UGT2B7: variants seen among roughly 807,000 people sequenced by gnomAD.
The protein encoded by UGT2B7 is UDP-glucuronosyltransferase 2B7.
UGT2B7 carries 51 observed loss-of-function variants against 51.9 expected under a neutral mutation model. The ratio of observed to expected loss-of-function variants is 0.98; its 90% CI spans 0.78 to 1.24. UGT2B7 has a LOEUF of 1.24. Ranked by LOEUF, UGT2B7 falls within the 50% of genes most tolerant of loss-of-function variation. UGT2B7 has a pLI of 0.00. For missense variants in UGT2B7, 727 were observed against 628.4 expected (o/e 1.16, Z -1.68); for synonymous variants, 225 against 211.6 (o/e 1.06, Z -0.55).
chr4:69,058,216 G>T (rs1047526651), intron 1 of UGT2B7, among the ~76,000 whole-genome samples: 21 of 152,152 alleles, frequency 1.4e-4, no homozygotes, highest in Non-Finnish European at 1.9e-4. Context: ...AACCACTGGA[G>T]GGAAGAGACC....
intron 1 of UGT2B7, among the ~76,000 whole-genome samples, chr4:69,058,646 T>C (rs1421571128): frequency 6.6e-6 from 1 of 152,156 alleles, no homozygotes; most frequent in African/African-American, 2.4e-5. Context: ...ACGGCATTTG[T>C]AGAGCAGGCC....
intron 2 of UGT2B7, among the ~76,000 whole-genome samples, chr4:69,091,456 A>T: frequency 6.6e-6 from 1 of 151,154 alleles, no homozygotes; most frequent in African/African-American, 2.4e-5. Context: ...ATGTATTTTT[A>T]TTTTTTAAAG....
In UGT2B7 at chr4:69,096,920, A is replaced by G; in HGVS notation, c.400A>G (p.Lys134Glu). Residue 134 changes from lysine to glutamate, a missense_variant, in exon 1 of 6, where the codon AAG (lysine) becomes GAG (glutamate). Transcript: ENST00000305231. ...RKFCKDVVSN[K>E]KFMKKVQESR... ...GTTCTGTAAAGATGTAGTTTCAAAT[A>G]AGAAATTTATGAAAAAAGTACAAGA... The G allele has an allele frequency of 6.2e-7, 1 of 1,611,998 alleles. No homozygotes were observed. Among genetic ancestry groups the G allele is most frequent in the Non-Finnish European group, 8.5e-7 (1 of 1,179,498 alleles).
chr4:69,112,545 G>C lies in UGT2B7; in HGVS notation c.1399G>C (p.Val467Leu). 6.2e-7 allele frequency: 1 copy of C among 1,613,940 alleles called. No individual in the cohort carries two copies. Among genetic ancestry groups the C allele is most frequent in the Non-Finnish European group, 8.5e-7 (1 of 1,179,868 alleles). ...TCGAGCAGTCTTCTGGATTGAATTT[G>C]TCATGCGCCACAAAGGAGCTAAACA... Reference protein sequence around the residue: ...LDRAVFWIEFVMRHKGAKHLR... With the variant: ...LDRAVFWIEFLMRHKGAKHLR... The change falls in exon 6 of 6, where the codon GTC (valine) becomes CTC (leucine). Residue 467 changes from valine to leucine, a missense_variant. By Grantham distance (32) the Val-to-Leu change is conservative. Coordinates refer to ENST00000305231, the MANE Select transcript of UGT2B7 (RefSeq NM_001074.4).
intron 2 of UGT2B7, among the ~76,000 whole-genome samples, chr4:69,090,379 C>T (rs1284724079): frequency 6.6e-6 from 1 of 151,940 alleles, no homozygotes; most frequent in Non-Finnish European, 1.5e-5. Flanking sequence ...ATAGCTTTCC[C>T]ATAAAAAACA....
At chr4:69,096,462 A>G (rs1719223527), upstream of UGT2B7, 1 of 1,606,622 alleles carries the variant, frequency 6.2e-7, no homozygotes, top group African/African-American at 1.3e-5. Context: ...TTTGGACATA[A>G]CCATGAGAAA....
chr4:69,080,560 A>G (rs1718813257), intron 1 of UGT2B7, among the ~76,000 whole-genome samples: 1 of 151,732 alleles, frequency 6.6e-6, no homozygotes. Flanking sequence ...AAAAAAAAAA[A>G]AGAAAATCTA....
intron 1 of UGT2B7, among the ~76,000 whole-genome samples, chr4:69,067,818 T>G (rs1197780635): frequency 6.6e-6 from 1 of 151,968 alleles, no homozygotes; most frequent in Non-Finnish European, 1.5e-5. Flanking sequence ...TTGTCAGAGG[T>G]TTTAGGATAG....
At position 69,108,155 on chromosome 4, in the gene UGT2B7, C is replaced by A. The variant is rs760768829; in HGVS notation, c.1143C>A (p.Tyr381Ter). The part of the protein sequence containing the change: ...FITHGGANGI[Y>*]EAIYHGIPMV... ...CTCATGGTGGAGCCAATGGCATCTA[C>A]GAGGCAATCTACCATGGGATCCCTA... Residue 381 changes from tyrosine to a stop codon, truncating the protein, a stop_gained, in exon 5 of 6, where the codon TAC becomes TAA. Transcript: ENST00000305231. LOFTEE classifies it high-confidence loss of function. 3 of 1,613,512 alleles carry A rather than the reference C, an allele frequency of 1.9e-6. No individual in the cohort carries two copies. Among genetic ancestry groups the A allele is most frequent in the Non-Finnish European group, 2.5e-6 (3 of 1,179,666 alleles).
intron 1 of UGT2B7, among the ~76,000 whole-genome samples, chr4:69,083,824 A>T (rs564772473): frequency 6.6e-6 from 1 of 150,830 alleles, no homozygotes; most frequent in East Asian, 2.0e-4. Flanking sequence ...TGTCATATGC[A>T]GAGAGGGATA....
intron 1 of UGT2B7, among the ~76,000 whole-genome samples, chr4:69,067,921 A>G (rs1718516465): frequency 6.6e-6 from 1 of 152,114 alleles, no homozygotes; most frequent in Non-Finnish European, 1.5e-5. Flanking sequence ...GCCAAAGTTG[A>G]AGCAGAAAAC....
chr4:69,092,018 T>C (rs1256985737), upstream of UGT2B7, among the ~76,000 whole-genome samples: 1 of 152,172 alleles, frequency 6.6e-6, no homozygotes, highest in Non-Finnish European at 1.5e-5. Context: ...TGCTTCAGCC[T>C]CGAACTCTCA....
At chr4:69,064,012 T>C (rs1718415192) in intron 1 of UGT2B7, among the ~76,000 whole-genome samples, 1 of 99,260 alleles carries the variant, frequency 1.0e-5, no homozygotes, top group Non-Finnish European at 1.9e-5. Context: ...AAGGGGAAGA[T>C]GAGATGGGAA....
intron 1 of UGT2B7, among the ~76,000 whole-genome samples, chr4:69,083,692 T>C (rs906622697): frequency 6.6e-6 from 1 of 152,170 alleles, no homozygotes; most frequent in Non-Finnish European, 1.5e-5. Context: ...ATTTAGATAT[T>C]GGAATACGGA....
intron 1 of UGT2B7, among the ~76,000 whole-genome samples, chr4:69,082,017 A>C (rs1718848683): frequency 6.6e-6 from 1 of 152,088 alleles, no homozygotes; most frequent in African/African-American, 2.4e-5. Context: ...CAAAATTTCA[A>C]GGTTTTTCGC....
intron 1 of UGT2B7, among the ~76,000 whole-genome samples, chr4:69,077,714 C>G (rs1298410669): frequency 6.6e-6 from 1 of 152,146 alleles, no homozygotes; most frequent in Non-Finnish European, 1.5e-5. Flanking sequence ...AACATATAAT[C>G]ATGTCATCTG....
rs147120761 is a variant in UGT2B7, at chr4:69,096,958, C to A, written c.438C>A (p.Asp146Glu). Residue 146 changes from aspartate (D) to glutamate (E), a missense_variant, in exon 1 of 6, where the codon GAC (aspartate) becomes GAA (glutamate). Physicochemically the swap from Asp to Glu is conservative, Grantham distance 45. Transcript: ENST00000305231. ...AAAAAGTACAAGAGTCAAGATTTGA[C>A]GTCATTTTTGCAGATGCTATTTTTC... Reference protein sequence around the residue: ...FMKKVQESRFDVIFADAIFPC... With the variant: ...FMKKVQESRFEVIFADAIFPC... 1 of 1,613,454 alleles carries A rather than the reference C, an allele frequency of 6.2e-7. No homozygotes were observed. The highest frequency in any genetic ancestry group is 2.2e-5 in the East Asian group (1 of 44,866).
chr4:69,068,688 C>G (rs1718534707), intron 1 of UGT2B7, among the ~76,000 whole-genome samples: 1 of 151,770 alleles, frequency 6.6e-6, no homozygotes. Flanking sequence ...AATTAGTGCC[C>G]TCTTCTGAAA....
intron 1 of UGT2B7, among the ~76,000 whole-genome samples, chr4:69,054,727 C>T (rs1173899590): frequency 6.6e-6 from 1 of 151,948 alleles, no homozygotes; most frequent in African/African-American, 2.4e-5. Context: ...GACTACAAGC[C>T]CTGCTCCAGT....
Sources: gnomAD v4.1 joint callset for allele counts (sites outside exome capture counted in the v4.1 genomes callset) on GRCh38, gnomAD v4.1.1 for gene constraint, MANE v1.5 for transcripts, NCBI Gene and HGNC (gene_info 2026-07-23, HGNC 2026-07-21) for gene names.